Variants in FYB1 observed in about 807,000 individuals in gnomAD.
The protein encoded by FYB1 is FYN binding protein 1.
In FYB1, 41 loss-of-function variants were observed where a neutral mutation model predicts 94.1. The ratio of observed to expected loss-of-function variants is 0.44; its 90% CI spans 0.34 to 0.57. The LOEUF is 0.57. Ranked by LOEUF, FYB1 falls within the 20% of genes least tolerant of loss-of-function variation. The probability of loss-of-function intolerance (pLI) is 0.02; values close to 1 mark genes in which losing one functional copy is unlikely to be tolerated. For synonymous variants in FYB1, 367 were observed against 353.2 expected, an observed-to-expected ratio of 1.04 and a Z score of -0.44; for missense variants, 1,050 against 976.8, an observed-to-expected ratio of 1.07 and a Z score of -1.00.
At chr5:39,267,915 A>C (rs10044746) in intron 1 of FYB1, among the ~76,000 whole-genome samples, 2 of 152,196 alleles carry the variant, frequency 1.3e-5, no homozygotes, top group Admixed American at 1.3e-4. Flanking sequence ...TGTCTATATC[A>C]CCATAAGGAA....
At chr5:39,234,307 T>C (rs775597553) in intron 1 of FYB1, among the ~76,000 whole-genome samples, 3 of 152,108 alleles carry the variant, frequency 2.0e-5, no homozygotes, top group Non-Finnish European at 4.4e-5. Flanking sequence ...GGAGACACAT[T>C]TGTGAATCTT....
At position 39,144,640 on chromosome 5, in the gene FYB1, A is replaced by G. The variant is rs552606834; in HGVS notation, c.1293-3499T>C. ...AACATGGTGAAACCCCGTCTCTACT[A>G]AAAATACAAAAATTAGCCGAGTGTG... On this transcript the variant is annotated intron_variant, in intron 3 of 18. Transcript: ENST00000512982. Among the ~76,000 whole-genome samples the G allele has an allele frequency of 4.6e-5, 7 of 152,266 alleles. No individual in the cohort carries two copies. The East Asian group carries it at 1.4e-3, about 29-fold the overall frequency.
At chr5:39,215,643 C>T (rs1347668571) in intron 1 of FYB1, among the ~76,000 whole-genome samples, 2 of 152,168 alleles carry the variant, frequency 1.3e-5, no homozygotes, top group African/African-American at 4.8e-5. Context: ...TCTGTCTTAT[C>T]CTCACATTTT....
chr5:39,237,385 C>T (rs958468196), intron 1 of FYB1, among the ~76,000 whole-genome samples: 12 of 152,078 alleles, frequency 7.9e-5, no homozygotes, highest in South Asian at 4.2e-4. Flanking sequence ...ATTTGGGCTT[C>T]GCAGTCTGTG....
chr5:39,203,145 G>A (rs950254204), intron 1 of FYB1, 158 bp from the exon 2 acceptor site: 43 of 632,462 alleles, frequency 6.8e-5, no homozygotes, highest in African/African-American at 6.2e-4. Flanking sequence ...GGCAAAATAA[G>A]TTGCGAGAGT....
rs376078550 is a variant in FYB1, at chr5:39,110,374, C to T, written c.2417G>A (p.Arg806Gln). 1.8e-5 allele frequency: 29 copies of T among 1,593,136 alleles called. No individual in the cohort carries two copies. The highest frequency in any genetic ancestry group is 9.4e-5 in the African/African-American group (7 of 74,398). Reference sequence around the variant, plus strand: ...GGCTTACTTGTCCGCTAGGTAACTCCGAAGGACATAACCATCTACGAAGGA... The same window carrying T: ...GGCTTACTTGTCCGCTAGGTAACTCTGAAGGACATAACCATCTACGAAGGA... ...NEEGKYGYVL[R>Q]SYLADNDGEI... The change falls in exon 17 of 19, where the codon CGG becomes CAG. Residue 806 changes from arginine to glutamine, a missense_variant. Transcript: ENST00000512982.
intron 1 of FYB1, among the ~76,000 whole-genome samples, chr5:39,273,813 A>G (rs1443423444): frequency 6.6e-6 from 1 of 152,176 alleles, no homozygotes; most frequent in Non-Finnish European, 1.5e-5. Flanking sequence ...GGGAAAACCA[A>G]CTTCATTTTT....
chr5:39,230,800 AG>A (rs1196920885), intron 1 of FYB1, among the ~76,000 whole-genome samples: 1 of 151,342 alleles, frequency 6.6e-6, no homozygotes, highest in African/African-American at 2.4e-5. Context: ...GGTACAGCTG[AG>A]AATTGCTGAC....
intron 2 of FYB1, among the ~76,000 whole-genome samples, chr5:39,194,809 T>TTAA (rs1747683369): frequency 6.6e-6 from 1 of 152,176 alleles, no homozygotes; most frequent in African/African-American, 2.4e-5. Context: ...AGCTGCCTGA[T>TTAA]TAATAGTAAG....
chr5:39,241,041 A>G (rs1382759688), intron 1 of FYB1, among the ~76,000 whole-genome samples: 1 of 152,214 alleles, frequency 6.6e-6, no homozygotes, highest in Non-Finnish European at 1.5e-5. Flanking sequence ...GCTGGAGGTT[A>G]TAATCCTAAG....
In FYB1 at chr5:39,107,481, A is replaced by G. The variant is rs1463081726; in HGVS notation, c.2468-16T>C. 6 of 1,499,250 alleles carry G rather than the reference A, an allele frequency of 4.0e-6. No individual in the cohort carries two copies. Among genetic ancestry groups the G allele is most frequent in the Non-Finnish European group, 5.4e-6 (6 of 1,112,446 alleles). 92.9% of individuals were successfully genotyped at this position (1,499,250 alleles called of 1,614,324 possible). A position where few individuals can be genotyped will look rare whatever the true frequency, so the allele number is the denominator to read the frequency against. On this transcript the variant is annotated splice_polypyrimidine_tract_variant and intron_variant, in intron 18 of 18. Transcript: ENST00000512982. ...TAGATGCAGCCTGAAAGGAAAAAAT[A>G]CAAATTTAAATATAGTTATTAAAAA...
chr5:39,110,726 G>T (rs886258546), intron 16 of FYB1: 5 of 294,392 alleles, frequency 1.7e-5, no homozygotes, highest in South Asian at 3.4e-5. Flanking sequence ...TCCAGTTTTA[G>T]GAAGAATTTA....
chr5:39,166,404 C>T (rs1455776795), intron 2 of FYB1, among the ~76,000 whole-genome samples: 1 of 150,830 alleles, frequency 6.6e-6, no homozygotes, highest in Non-Finnish European at 1.5e-5. Flanking sequence ...CCGTTGTACT[C>T]CAGTCTGGGC....
intron 16 of FYB1, among the ~76,000 whole-genome samples, chr5:39,113,641 T>C (rs1270276935): frequency 6.6e-6 from 1 of 152,054 alleles, no homozygotes; most frequent in African/African-American, 2.4e-5. Flanking sequence ...AAAGTGGAAA[T>C]TATCTTCATT....
chr5:39,179,092 G>A (rs532201145), intron 2 of FYB1, among the ~76,000 whole-genome samples: 12 of 152,162 alleles, frequency 7.9e-5, no homozygotes, highest in Non-Finnish European at 1.6e-4. Flanking sequence ...TGCTTCCTGT[G>A]TGCTAGGCAC....
At chr5:39,136,183 C>T (rs1291281875) in intron 7 of FYB1, among the ~76,000 whole-genome samples, 2 of 152,050 alleles carry the variant, frequency 1.3e-5, no homozygotes, top group African/African-American at 4.8e-5. Context: ...CATTCTCCTG[C>T]CTCAGCCTCC....
chr5:39,124,002 C>T (rs1740380301), intron 13 of FYB1, among the ~76,000 whole-genome samples: 1 of 152,104 alleles, frequency 6.6e-6, no homozygotes, highest in Admixed American at 6.6e-5. Flanking sequence ...TATCCCTTCC[C>T]ACTTATCCCT....
intron 1 of FYB1, among the ~76,000 whole-genome samples, chr5:39,269,315 C>T (rs935219019): frequency 6.6e-6 from 1 of 152,196 alleles, no homozygotes; most frequent in African/African-American, 2.4e-5. Context: ...TCCCAAAGTT[C>T]TGGGATTACA....
chr5:39,156,192 A>C (rs1320358580), intron 2 of FYB1, among the ~76,000 whole-genome samples: 1 of 151,936 alleles, frequency 6.6e-6, no homozygotes, highest in East Asian at 1.9e-4. Flanking sequence ...AAACACTGAA[A>C]ACTGACTTTC....
Sources: gnomAD v4.1 joint callset for allele counts (sites outside exome capture counted in the v4.1 genomes callset) on GRCh38, gnomAD v4.1.1 for gene constraint, MANE v1.5 for transcripts, NCBI Gene and HGNC (gene_info 2026-07-23, HGNC 2026-07-21) for gene names.